The following SEL1L3 variants were observed in gnomAD, a reference collection of about 807,000 sequenced individuals.
The protein encoded by SEL1L3 is protein sel-1 homolog 3.
In SEL1L3, 76 loss-of-function variants were observed where a neutral mutation model predicts 142.8. The observed-to-expected ratio is 0.53, with a 90% confidence interval of 0.44 to 0.64. The LOEUF (loss-of-function observed/expected upper bound fraction) is 0.64, where lower values mean the gene tolerates loss of function less well. Among genes scored for constraint, SEL1L3 ranks in the 30% least tolerant of loss-of-function variants. The pLI is 0.00. For missense variants in SEL1L3, 1,262 were observed against 1,381.7 expected (o/e 0.91, Z 1.37); for synonymous variants, 504 against 519.6 (o/e 0.97, Z 0.41).
intron 15 of SEL1L3, among the ~76,000 whole-genome samples, chr4:25,779,674 C>A (rs1181604524): frequency 1.3e-5 from 2 of 152,274 alleles, no homozygotes; most frequent in South Asian, 4.1e-4. Context: ...AGGGTTAGCA[C>A]ACATTTGCTA....
At chr4:25,808,530 T>G (rs1216985220) in intron 9 of SEL1L3, among the ~76,000 whole-genome samples, 1 of 152,172 alleles carries the variant, frequency 6.6e-6, no homozygotes, top group Non-Finnish European at 1.5e-5. Context: ...CCTCATTCCC[T>G]GTGACAGGAA....
At chr4:25,740,432 C>CAAAAAA in the SEL1L3 span, among the ~76,000 whole-genome samples, 2 of 122,116 alleles carry the variant, frequency 1.6e-5, no homozygotes, top group African/African-American at 3.0e-5. Context: ...GACTCCATCT[C>CAAAAAA]AAAAAAAAAA....
chr4:25,751,693 T>C (rs1434995327), intron 23 of SEL1L3, among the ~76,000 whole-genome samples: 1 of 149,380 alleles, frequency 6.7e-6, no homozygotes, highest in Non-Finnish European at 1.5e-5. Context: ...TAAGTATATA[T>C]TCTTTATATA....
rs1377300693 is a variant in SEL1L3, at chr4:25,833,207, A to G, written c.983-97T>C. 4 of 780,818 alleles carry G rather than the reference A, an allele frequency of 5.1e-6. No homozygotes were observed. In the Admixed American group the frequency reaches 6.8e-5, roughly 13 times the overall value. The allele number at this position is 780,818 out of a possible 1,614,324, so 48.4% of individuals were successfully genotyped here. A position where few individuals can be genotyped will look rare whatever the true frequency, so the allele number is the denominator to read the frequency against. On this transcript the variant is annotated intron_variant, in intron 4 of 23. Transcript: ENST00000399878. Reference sequence around the variant, plus strand: ...TCAACAATTGTCCTAAGAAGCTACAATACTCCACGAAAACAAAGCAAAACC... The same window carrying G: ...TCAACAATTGTCCTAAGAAGCTACAGTACTCCACGAAAACAAAGCAAAACC...
At chr4:25,770,107 G>A (rs868042662) in intron 17 of SEL1L3, among the ~76,000 whole-genome samples, 3 of 151,950 alleles carry the variant, frequency 2.0e-5, no homozygotes, top group Non-Finnish European at 4.4e-5. Flanking sequence ...CAGCCTGGGC[G>A]ATAGAGCCAG....
intron 16 of SEL1L3, 107 bp from the exon 17 acceptor site, chr4:25,776,467 T>C: frequency 1.3e-6 from 1 of 764,634 alleles, no homozygotes; most frequent in Non-Finnish European, 2.2e-6. Flanking sequence ...TTTTGCTAGT[T>C]AGAATTTTTA....
chr4:25,829,802 G>T (rs529673685), intron 6 of SEL1L3, among the ~76,000 whole-genome samples: 111 of 152,244 alleles, frequency 7.3e-4, no homozygotes, highest in African/African-American at 2.6e-3. Flanking sequence ...CTTCATAGAA[G>T]ATAATTTTCA....
chr4:25,770,739 C>CAAAAAAAAAAA (rs57317400), intron 17 of SEL1L3, among the ~76,000 whole-genome samples: 8 of 97,374 alleles, frequency 8.2e-5, no homozygotes, highest in African/African-American at 3.0e-4. Context: ...GACTCTGTCT[C>CAAAAAAAAAAA]AAAAAAAAAA....
the SEL1L3 span, among the ~76,000 whole-genome samples, chr4:25,722,624 C>CTTTTTTTTTTTTTTTTTTTTTTTTTTTT: frequency 9.6e-6 from 1 of 103,662 alleles, no homozygotes; most frequent in African/African-American, 3.6e-5. Context: ...CCAAAGGAGG[C>CTTTTTTTTTTTTTTTTTTTTTTTTTTTT]TTTTTTTTTT....
intron 17 of SEL1L3, among the ~76,000 whole-genome samples, chr4:25,772,435 T>A (rs539621869): frequency 6.6e-6 from 1 of 152,278 alleles, no homozygotes; most frequent in South Asian, 2.1e-4. Context: ...CATTGTCTTG[T>A]AAGTTGAACA....
chr4:25,714,614 C>G, the SEL1L3 span, among the ~76,000 whole-genome samples: 5 of 149,350 alleles, frequency 3.3e-5, no homozygotes, highest in Non-Finnish European at 5.9e-5. Context: ...CTCTCTCACC[C>G]AGGCTGGAGT....
intron 15 of SEL1L3, among the ~76,000 whole-genome samples, chr4:25,780,368 C>T (rs1021107657): frequency 2.0e-5 from 3 of 152,126 alleles, no homozygotes; most frequent in South Asian, 4.2e-4. Flanking sequence ...TACAGCCCAT[C>T]GTTGCCCCAT....
intron 3 of SEL1L3, among the ~76,000 whole-genome samples, chr4:25,834,841 C>G (rs1715689391): frequency 6.6e-6 from 1 of 152,198 alleles, no homozygotes; most frequent in East Asian, 1.9e-4. Context: ...AGATTTCAAA[C>G]AGCTCGTCCA....
chr4:25,784,430 T>C lies in SEL1L3; in HGVS notation c.2218-140A>G, dbSNP rs927434927. The C allele has an allele frequency of 4.9e-5, 34 of 690,482 alleles. No individual in the cohort carries two copies. The Middle Eastern group carries it at 1.5e-3, about 30-fold the overall frequency. The allele number at this position is 690,482 out of a possible 1,614,324, so 42.8% of individuals were successfully genotyped here. On this transcript the variant is annotated intron_variant, in intron 13 of 23. Transcript: ENST00000399878. ...TTAAACCCAAGCTTAGGGATTTCTATAGGTAGTGCTATTTCATTATCATCA... is the reference window on the plus strand; with the variant it reads ...TTAAACCCAAGCTTAGGGATTTCTACAGGTAGTGCTATTTCATTATCATCA...
intron 13 of SEL1L3, 52 bp from the exon 14 acceptor site, chr4:25,784,342 C>T (rs1711636350): frequency 7.7e-7 from 1 of 1,302,746 alleles, no homozygotes; most frequent in Admixed American, 1.7e-5. Flanking sequence ...CCAGACTGCA[C>T]ACATACAGAC....
chr4:25,771,847 GA>G (rs1553865543), intron 17 of SEL1L3, among the ~76,000 whole-genome samples: 9 of 152,196 alleles, frequency 5.9e-5, no homozygotes, highest in Non-Finnish European at 1.5e-5. Flanking sequence ...TCGAGTGTCC[GA>G]GGACAGCCTC....
chr4:25,804,872 C>T (rs1227212528), intron 9 of SEL1L3, 120 bp from the exon 10 acceptor site: 9 of 715,450 alleles, frequency 1.3e-5, no homozygotes, highest in Non-Finnish European at 1.9e-5. Flanking sequence ...TCCTGCAGTG[C>T]CTCAAAATAT....
At chr4:25,851,415 T>C (rs149082743) in intron 1 of SEL1L3, among the ~76,000 whole-genome samples, 9 of 152,122 alleles carry the variant, frequency 5.9e-5, no homozygotes, top group Non-Finnish European at 7.4e-5. Context: ...CACACACACA[T>C]ATATATGTAC....
intron 1 of SEL1L3, among the ~76,000 whole-genome samples, chr4:25,857,942 C>T (rs530993874): frequency 1.3e-5 from 2 of 152,338 alleles, no homozygotes; most frequent in African/African-American, 4.8e-5. Context: ...CAGCCAGCTC[C>T]CCAGTATAAC....
Sources: gnomAD v4.1 joint callset for allele counts (sites outside exome capture counted in the v4.1 genomes callset) on GRCh38, gnomAD v4.1.1 for gene constraint, MANE v1.5 for transcripts, NCBI Gene and HGNC (gene_info 2026-07-23, HGNC 2026-07-21) for gene names.